The following ATP8A2 variants were observed in gnomAD, a reference collection of about 807,000 sequenced individuals.
The protein encoded by ATP8A2 is phospholipid-transporting ATPase IB.
A neutral mutation model predicts 165.6 loss-of-function variants in ATP8A2; 100 were observed. The observed-to-expected ratio is 0.60, with a 90% confidence interval of 0.51 to 0.71. The LOEUF (loss-of-function observed/expected upper bound fraction) is 0.71, where lower values mean the gene tolerates loss of function less well. Among genes scored for constraint, ATP8A2 ranks in the 30% least tolerant of loss-of-function variants. ATP8A2 has a pLI of 0.00. For missense variants in ATP8A2, 1,227 were observed against 1,479.5 expected (o/e 0.83, Z 2.80); for synonymous variants, 543 against 548.8 (o/e 0.99, Z 0.15).
intron 2 of ATP8A2, among the ~76,000 whole-genome samples, chr13:25,480,272 C>T (rs1327001393): frequency 6.8e-5 from 10 of 147,866 alleles, no homozygotes; most frequent in Middle Eastern, 3.8e-3. Context: ...ACCTCCCGGA[C>T]GGGGCGGCTG....
intron 24 of ATP8A2, among the ~76,000 whole-genome samples, chr13:25,696,937 A>T (rs550700920): frequency 6.6e-6 from 1 of 152,354 alleles, no homozygotes; most frequent in African/African-American, 2.4e-5. Context: ...TTTCAATAGT[A>T]ACATCAAAGG....
At chr13:25,803,611 G>A (rs757064157) in intron 27 of ATP8A2, among the ~76,000 whole-genome samples, 4 of 152,140 alleles carry the variant, frequency 2.6e-5, no homozygotes, top group Non-Finnish European at 4.4e-5. Flanking sequence ...GATCAGCCTC[G>A]GGACCAAAAT....
At chr13:25,526,883 A>T (rs1052574789) in intron 2 of ATP8A2, among the ~76,000 whole-genome samples, 1 of 152,118 alleles carries the variant, frequency 6.6e-6, no homozygotes, top group African/African-American at 2.4e-5. Context: ...ACTCAAGATG[A>T]TGGGGAAGCT....
At chr13:25,567,610 G>A (rs1243139944) in intron 16 of ATP8A2, among the ~76,000 whole-genome samples, 1 of 152,110 alleles carries the variant, frequency 6.6e-6, no homozygotes, top group African/African-American at 2.4e-5. Context: ...TTCAGTACAA[G>A]CATAATGAGG....
intron 24 of ATP8A2, among the ~76,000 whole-genome samples, chr13:25,630,044 A>G (rs1282051195): frequency 6.6e-6 from 1 of 150,554 alleles, no homozygotes; most frequent in Non-Finnish European, 1.5e-5. Context: ...ATGGACATGC[A>G]CACCACTCTC....
intron 13 of ATP8A2, among the ~76,000 whole-genome samples, chr13:25,555,836 A>G (rs1486899576): frequency 2.0e-5 from 3 of 152,056 alleles, no homozygotes; most frequent in Non-Finnish European, 2.9e-5. Context: ...TGAGTATGCA[A>G]TGTTTAGCTC....
At chr13:25,566,423 G>T (rs534391655) in intron 16 of ATP8A2, among the ~76,000 whole-genome samples, 35 of 152,310 alleles carry the variant, frequency 2.3e-4, no homozygotes, top group African/African-American at 7.9e-4. Flanking sequence ...AGTGTACTTT[G>T]AGCACTCGAG....
chr13:26,002,576 A>C (rs77479241), intron 35 of ATP8A2, among the ~76,000 whole-genome samples: 12 of 151,184 alleles, frequency 7.9e-5, no homozygotes, highest in East Asian at 3.9e-4. Flanking sequence ...AAAAAAAAAA[A>C]AACTCACTCC....
At chr13:25,394,407 A>G (rs1189318377) in intron 1 of ATP8A2, among the ~76,000 whole-genome samples, 1 of 152,254 alleles carries the variant, frequency 6.6e-6, no homozygotes, top group Non-Finnish European at 1.5e-5. Flanking sequence ...ACTTAACAAT[A>G]GAAAACAAAA....
intron 18 of ATP8A2, among the ~76,000 whole-genome samples, chr13:25,574,539 C>T (rs879896589): frequency 3.9e-5 from 6 of 152,282 alleles, no homozygotes; most frequent in Middle Eastern, 3.4e-3. Context: ...AGGTTTCTGA[C>T]GGACCTGTGC....
At position 25,853,177 on chromosome 13, in the gene ATP8A2, T is replaced by C. The variant is rs551420622; in HGVS notation, c.2957-7018T>C. Among the ~76,000 whole-genome samples the C allele has an allele frequency of 2.9e-4, 44 of 151,798 alleles. 1 individual carries two copies. Among genetic ancestry groups the C allele is most frequent in the African/African-American group, 1.0e-3 (42 of 41,426 alleles). ...GCTGAGACAGGTGGATCACTTGAGG[T>C]CAGGAGTTCGAGACCAGCCTGGCCA... On this transcript the variant is annotated intron_variant, in intron 30 of 36. Coordinates refer to ENST00000381655, the MANE Select transcript of ATP8A2 (RefSeq NM_016529.6).
intron 25 of ATP8A2, among the ~76,000 whole-genome samples, chr13:25,712,966 T>C (rs1386335687): frequency 6.6e-6 from 1 of 152,238 alleles, no homozygotes; most frequent in South Asian, 2.1e-4. Flanking sequence ...ATTATCCTCA[T>C]GGAACTAAAA....
chr13:25,739,523 A>T (rs2043861422), intron 25 of ATP8A2, among the ~76,000 whole-genome samples: 1 of 152,106 alleles, frequency 6.6e-6, no homozygotes, highest in African/African-American at 2.4e-5. Flanking sequence ...TTTAGCAGAA[A>T]TTTTTTAGCC....
rs554456866 is a variant in ATP8A2 at position 25,626,743 on chromosome 13, G to A, written c.2211+37044G>A. 3.3e-4 allele frequency among the ~76,000 whole-genome samples: 50 copies of A among 152,140 alleles called. 1 individual carries two copies. In the South Asian group the frequency reaches 8.1e-3, roughly 25 times the overall value. On this transcript the variant is annotated intron_variant, in intron 24 of 36. Transcript: ENST00000381655. ...GCGGATAAAGACATACCTGAGACTC[G>A]GTAATTTATAAAGAAAAAGAGGTTT...
At chr13:25,754,567 C>G (rs1462389518) in intron 25 of ATP8A2, among the ~76,000 whole-genome samples, 2 of 152,072 alleles carry the variant, frequency 1.3e-5, no homozygotes, top group Non-Finnish European at 2.9e-5. Flanking sequence ...AAGTTTATAG[C>G]ACAAATATAG....
chr13:25,963,561 A>C (rs1955712229), intron 34 of ATP8A2, among the ~76,000 whole-genome samples: 1 of 152,222 alleles, frequency 6.6e-6, no homozygotes. Flanking sequence ...TTTTAGATAA[A>C]TAGGCCACAT....
intron 1 of ATP8A2, among the ~76,000 whole-genome samples, chr13:25,427,580 G>C (rs1343199190): frequency 6.6e-6 from 1 of 151,982 alleles, no homozygotes; most frequent in African/African-American, 2.4e-5. Context: ...ATTTTCCTGG[G>C]AGCCTAAAAC....
Position 25,769,114 on chromosome 13 carries a change from C to T in ATP8A2, c.2453C>T (p.Ala818Val). 6.2e-7 allele frequency: 1 copy of T among 1,614,192 alleles called. No individual in the cohort carries two copies. Among genetic ancestry groups the T allele is most frequent in the Non-Finnish European group, 8.5e-7 (1 of 1,180,026 alleles). ...AAGCGGGTGAAGGCCATCACCCTCG[C>T]CATCGGAGACGGCGCCAACGATGTC... ...VKKRVKAITLAIGDGANDVGM... is the reference protein window; with the variant it reads ...VKKRVKAITLVIGDGANDVGM... Residue 818 changes from alanine (A) to valine (V), a missense_variant, in exon 26 of 37, where the codon GCC (alanine) becomes GTC (valine). By Grantham distance (64) the Ala-to-Val change is moderately conservative. Coordinates refer to ENST00000381655, the MANE Select transcript of ATP8A2 (RefSeq NM_016529.6).
chr13:26,019,830 CT>C, intron 36 of ATP8A2, 57 bp from the exon 37 acceptor site: 1 of 1,273,498 alleles, frequency 7.9e-7, no homozygotes, highest in South Asian at 1.2e-5. Flanking sequence ...TATTTTAAAC[CT>C]AGTGTGCTCC....
Sources: gnomAD v4.1 joint callset for allele counts (sites outside exome capture counted in the v4.1 genomes callset) on GRCh38, gnomAD v4.1.1 for gene constraint, MANE v1.5 for transcripts, NCBI Gene and HGNC (gene_info 2026-07-23, HGNC 2026-07-21) for gene names.